FAT4: variants seen among roughly 807,000 people sequenced by gnomAD.
FAT4 encodes protocadherin Fat 4.
A neutral mutation model predicts 303.9 loss-of-function variants in FAT4; 84 were observed. The ratio of observed to expected loss-of-function variants is 0.28; its 90% CI spans 0.23 to 0.33. The LOEUF is 0.33. Ranked by LOEUF, FAT4 falls within the 10% of genes least tolerant of loss-of-function variation. The probability of loss-of-function intolerance (pLI) is 1.00; values close to 1 mark genes in which losing one functional copy is unlikely to be tolerated. For synonymous variants in FAT4, 2,307 were observed against 2,298.8 expected (o/e 1.00, Z -0.10); for missense variants, 6,005 against 6,146.8 (o/e 0.98, Z 0.77).
In FAT4 at chr4:125,452,284, GAAC is replaced by G; in HGVS notation, c.11277_11279del (p.Asn3760del). ...TGCAACTGTACAGTGCATATGAAGA[GAAC>G]AATAGAACGTTTCTTTTGGCAGCTG... On this transcript the variant is annotated inframe_deletion, in exon 10 of 18. Transcript: ENST00000394329. 1 of 1,614,192 alleles carries G rather than the reference GAAC, an allele frequency of 6.2e-7. No individual in the cohort carries two copies. The highest frequency in any genetic ancestry group is 2.2e-5 in the East Asian group (1 of 44,886).
chr4:125,318,733 C>A lies in FAT4; in HGVS notation c.2322C>A (p.Pro774=). ...CTGATGGTGGCAATTTACAATCTCC[C>A]AACCAGGCAATAGTAACCATCACTG... ...VATDGGNLQS[P]NQAIVTITVL... The change falls in exon 2 of 18, where the codon CCC becomes CCA. Residue 774 remains proline (P), a synonymous_variant. Transcript: ENST00000394329. The A allele has an allele frequency of 6.2e-7, 1 of 1,613,950 alleles. No individual in the cohort carries two copies. Among genetic ancestry groups the A allele is most frequent in the African/African-American group, 1.3e-5 (1 of 75,030 alleles).
In FAT4 at chr4:125,320,561, T is replaced by C; in HGVS notation, c.4150T>C (p.Ser1384Pro). ...CAAAAAACTGGACTTTGAAACACAG[T>C]CTTTGTATAAATTAAATATAACAGC... ...LAKKLDFETQSLYKLNITAKD... is the reference protein window; with the variant it reads ...LAKKLDFETQPLYKLNITAKD... Residue 1384 changes from serine to proline, a missense_variant, in exon 2 of 18, where the codon TCT becomes CCT. Physicochemically the swap from Ser to Pro is moderately conservative, Grantham distance 74 (BLOSUM62 -1). Transcript: ENST00000394329. The C allele has an allele frequency of 6.2e-7, 1 of 1,613,982 alleles. No homozygotes were observed. The highest frequency in any genetic ancestry group is 1.3e-5 in the African/African-American group (1 of 75,042).
At chr4:125,340,958 C>A (rs142068955) in intron 2 of FAT4, among the ~76,000 whole-genome samples, 19 of 152,242 alleles carry the variant, frequency 1.2e-4, no homozygotes, top group African/African-American at 3.6e-4. Flanking sequence ...TGTACACTGT[C>A]CTGTTTATTA....
At chr4:125,445,521 A>T (rs1177884149) in intron 8 of FAT4, among the ~76,000 whole-genome samples, 1 of 152,130 alleles carries the variant, frequency 6.6e-6, no homozygotes, top group Non-Finnish European at 1.5e-5. Flanking sequence ...GACCATAGCC[A>T]ATTTCTGAAC....
chr4:125,426,544 A>T (rs890141301), intron 7 of FAT4, among the ~76,000 whole-genome samples: 10 of 152,134 alleles, frequency 6.6e-5, no homozygotes, highest in African/African-American at 2.4e-4. Flanking sequence ...TAGTGATCTA[A>T]ATATTATTCT....
rs140885137 is a variant in FAT4, at chr4:125,452,091, C to T, written c.11081C>T (p.Thr3694Ile). The T allele has an allele frequency of 7.4e-6, 12 of 1,614,196 alleles. No homozygotes were observed. In the East Asian group the frequency reaches 1.1e-4, roughly 15 times the overall value. The change falls in exon 10 of 18, where the codon ACA becomes ATA. Residue 3694 changes from threonine to isoleucine, a missense_variant. By Grantham distance (89) the Thr-to-Ile change is moderately conservative. Transcript: ENST00000394329. The part of the protein sequence containing the change: ...TVLSNDGVHS[T>I]VTSNIRVFFA... ...CTTAGCAATGATGGAGTTCACAGCA[C>T]AGTCACGAGCAACATCCGAGTTTTC...
intron 8 of FAT4, among the ~76,000 whole-genome samples, chr4:125,438,193 G>A (rs949913803): frequency 2.0e-4 from 30 of 152,134 alleles, no homozygotes; most frequent in African/African-American, 6.0e-4. Flanking sequence ...ATAAATTCCT[G>A]AATATGAAGT....
intron 2 of FAT4, among the ~76,000 whole-genome samples, chr4:125,332,302 T>C (rs1481133830): frequency 1.3e-5 from 2 of 152,092 alleles, no homozygotes; most frequent in Non-Finnish European, 2.9e-5. Flanking sequence ...CCCAGGTTTA[T>C]ATGACTTTGG....
At chr4:125,371,327 T>A (rs1187184280) in intron 2 of FAT4, among the ~76,000 whole-genome samples, 1 of 151,806 alleles carries the variant, frequency 6.6e-6, no homozygotes, top group African/African-American at 2.4e-5. Flanking sequence ...ATACAAATAA[T>A]TAGTTATACA....
Position 125,319,981 on chromosome 4 carries a change from C to A in FAT4, c.3570C>A (p.Leu1190=). The change falls in exon 2 of 18, where the codon CTC becomes CTA. Residue 1190 remains leucine, a synonymous_variant. Transcript: ENST00000394329. The part of the protein sequence containing the change: ...IATDQGIPQP[L]KDQATVHVYM... ...CAGATCAGGGGATCCCTCAGCCTCT[C>A]AAGGATCAGGCCACTGTACATGTTT... 1 of 1,613,050 alleles carries A rather than the reference C, an allele frequency of 6.2e-7. No individual in the cohort carries two copies. Among genetic ancestry groups the A allele is most frequent in the Non-Finnish European group, 8.5e-7 (1 of 1,179,966 alleles).
At chr4:125,367,412 A>G (rs191314612) in intron 2 of FAT4, among the ~76,000 whole-genome samples, 11 of 152,282 alleles carry the variant, frequency 7.2e-5, no homozygotes, top group African/African-American at 2.6e-4. Context: ...AAGGTCATAC[A>G]ATTTGTAACT....
Position 125,316,605 on chromosome 4 carries a change from A to T in FAT4, c.194A>T (p.Gln65Leu). Residue 65 changes from glutamine to leucine, a missense_variant, in exon 2 of 18, where the codon CAG becomes CTG. Transcript: ENST00000394329. This position sits in a 1 kb window ranked among gnomAD's most constrained non-coding sequence, Gnocchi z 5.7. ...CCAGGCACTCTGGTAGGCACCATCC[A>T]GACGCGCCCCGGCTTCACCTACAGG... ...QPPGTLVGTI[Q>L]TRPGFTYRLS... 1 of 1,613,994 alleles carries T rather than the reference A, an allele frequency of 6.2e-7. No homozygotes were observed. Among genetic ancestry groups the T allele is most frequent in the Non-Finnish European group, 8.5e-7 (1 of 1,180,026 alleles).
At chr4:125,327,023 T>G (rs1258906619) in intron 2 of FAT4, among the ~76,000 whole-genome samples, 1 of 151,778 alleles carries the variant, frequency 6.6e-6, no homozygotes, top group Non-Finnish European at 1.5e-5. Flanking sequence ...AGACTTTATC[T>G]CAAAAAAAAA....
At chr4:125,350,003 A>T (rs929976217) in intron 2 of FAT4, among the ~76,000 whole-genome samples, 2 of 151,782 alleles carry the variant, frequency 1.3e-5, no homozygotes, top group African/African-American at 4.8e-5. Flanking sequence ...ATTAATTTCA[A>T]TGAAATTTGG....
Position 125,477,230 on chromosome 4 carries a change from A to T in FAT4, c.12375A>T (p.Gly4125=). ...RSLEPILQRR[G]HVESHDFVGC... is the part of the protein sequence containing the mutation. ...TAGAACCAATCCTTCAGAGAAGAGG[A>T]CACGTGGAAAGCCATGATTTTGTTG... Residue 4125 remains glycine (G), a synonymous_variant, in exon 14 of 18, where the codon GGA becomes GGT. Transcript: ENST00000394329. The T allele has an allele frequency of 6.4e-7, 1 of 1,550,414 alleles. No individual in the cohort carries two copies. The highest frequency in any genetic ancestry group is 1.2e-5 in the South Asian group (1 of 82,018).
At chr4:125,333,337 C>T (rs887501380) in intron 2 of FAT4, among the ~76,000 whole-genome samples, 20 of 152,008 alleles carry the variant, frequency 1.3e-4, no homozygotes, top group Non-Finnish European at 2.9e-5. Context: ...TCAAAACAGA[C>T]CTATTTTAAA....
At chr4:125,414,596 G>A (rs1734966538) in intron 5 of FAT4, among the ~76,000 whole-genome samples, 1 of 152,102 alleles carries the variant, frequency 6.6e-6, no homozygotes, top group Admixed American at 6.6e-5. Flanking sequence ...TATAGCGTGT[G>A]GCACTGTTAG....
rs942135672 is a variant in FAT4 at position 125,481,622 on chromosome 4, C to T, written c.12706C>T (p.Arg4236Ter). The change falls in exon 16 of 18, where the codon CGA becomes TGA. Residue 4236 changes from arginine (R) to a stop codon, truncating the protein, a stop_gained. Transcript: ENST00000394329. LOFTEE classifies it high-confidence loss of function. ...KREYLLRQSL[R>*]GAMLEPFGVN... ...GGAATATTTGTTAAGGCAAAGCTTACGAGGTGCCATGTTGGAGCCTTTTGG... is the reference window on the plus strand; with the variant it reads ...GGAATATTTGTTAAGGCAAAGCTTATGAGGTGCCATGTTGGAGCCTTTTGG... The T allele has an allele frequency of 2.5e-6, 4 of 1,613,864 alleles. No individual in the cohort carries two copies. The highest frequency in any genetic ancestry group is 3.4e-6 in the Non-Finnish European group (4 of 1,179,952).
chr4:125,367,811 T>G (rs571389655), intron 2 of FAT4, among the ~76,000 whole-genome samples: 2 of 152,126 alleles, frequency 1.3e-5, no homozygotes, highest in Non-Finnish European at 2.9e-5. Flanking sequence ...TACTGCAAAA[T>G]AGTATATGCA....
Sources: gnomAD v4.1 joint callset for allele counts (sites outside exome capture counted in the v4.1 genomes callset) on GRCh38, gnomAD v4.1.1 for gene constraint, Gnocchi (gnomAD v3.1) non-coding constraint, MANE v1.5 for transcripts, NCBI Gene and HGNC (gene_info 2026-07-23, HGNC 2026-07-21) for gene names.